SEM1: variants seen among roughly 807,000 people sequenced by gnomAD.
SEM1 encodes the protein 26S proteasome complex subunit SEM1.
A neutral mutation model predicts 12.7 loss-of-function variants in SEM1; 3 were observed. That is an observed-to-expected ratio of 0.24 (90% CI 0.11 to 0.61). The LOEUF (loss-of-function observed/expected upper bound fraction) is 0.61, where lower values mean the gene tolerates loss of function less well. Among genes scored for constraint, SEM1 ranks in the 20% least tolerant of loss-of-function variants. The pLI is 0.88. For missense variants in SEM1, 59 were observed against 81.3 expected (o/e 0.73, Z 1.06); for synonymous variants, 30 against 27.8 (o/e 1.08, Z -0.25).
chr7:96,527,792 G>A (rs1212779929), intron 2 of SEM1, among the ~76,000 whole-genome samples: 1 of 152,040 alleles, frequency 6.6e-6, no homozygotes, highest in Admixed American at 6.6e-5. Flanking sequence ...TTAGCTGTTG[G>A]TTTCTCTCCT....
At chr7:96,669,653 G>T (rs370735478), downstream of SEM1, among the ~76,000 whole-genome samples, 4 of 152,114 alleles carry the variant, frequency 2.6e-5, no homozygotes, top group South Asian at 2.1e-4. Context: ...TTTTATTTAG[G>T]ATACATAAGA....
intron 2 of SEM1, among the ~76,000 whole-genome samples, chr7:96,615,990 A>G (rs189853756): frequency 1.4e-4 from 21 of 152,338 alleles, no homozygotes; most frequent in African/African-American, 5.0e-4. Context: ...TATCGAAAAT[A>G]GTACTGTGAT....
intron 2 of SEM1, among the ~76,000 whole-genome samples, chr7:96,661,719 GC>G (rs1789006893): frequency 3.9e-5 from 6 of 152,288 alleles, no homozygotes; most frequent in Admixed American, 3.3e-4. Flanking sequence ...CGGGCGTGGT[GC>G]CTCATGCCTG....
intron 1 of SEM1, among the ~76,000 whole-genome samples, chr7:96,707,969 G>C (rs1790522467): frequency 6.6e-6 from 1 of 152,192 alleles, no homozygotes; most frequent in Admixed American, 6.5e-5. Flanking sequence ...ATCCTGGCTT[G>C]GACATAATGG....
chr7:96,673,676 T>A, exon 3 of SEM1: 5 of 731,120 alleles, frequency 6.8e-6, no homozygotes, highest in Non-Finnish European at 7.5e-6. Flanking sequence ...ACATGACTAG[T>A]GCTCAATAAT....
At chr7:96,606,584 A>G (rs1807386142) in intron 2 of SEM1, among the ~76,000 whole-genome samples, 1 of 152,248 alleles carries the variant, frequency 6.6e-6, no homozygotes, top group African/African-American at 2.4e-5. Flanking sequence ...CACAACTATT[A>G]GAAAAAAAAG....
At chr7:96,541,198 T>C (rs907232130) in intron 2 of SEM1, among the ~76,000 whole-genome samples, 3 of 151,876 alleles carry the variant, frequency 2.0e-5, no homozygotes, top group African/African-American at 7.2e-5. Flanking sequence ...CTAATTTATA[T>C]TTCCACCAAT....
chr7:96,573,056 T>A (rs1028894803), intron 2 of SEM1, among the ~76,000 whole-genome samples: 5 of 152,166 alleles, frequency 3.3e-5, no homozygotes, highest in African/African-American at 1.2e-4. Flanking sequence ...TTGTCTTTTT[T>A]GATCTTTGTT....
chr7:96,510,669 C>T (rs1188627352), intron 2 of SEM1, among the ~76,000 whole-genome samples: 1 of 152,032 alleles, frequency 6.6e-6, no homozygotes, highest in African/African-American at 2.4e-5. Context: ...ATCTGGATTA[C>T]CACATAGCAT....
At chr7:96,634,628 A>G (rs1808373574) in intron 2 of SEM1, among the ~76,000 whole-genome samples, 1 of 149,258 alleles carries the variant, frequency 6.7e-6, no homozygotes, top group South Asian at 2.1e-4. Context: ...AAGAAAAATA[A>G]AGATAATTCA....
intron 3 of SEM1, among the ~76,000 whole-genome samples, chr7:96,503,323 T>G (rs1437296877): frequency 6.6e-6 from 1 of 152,182 alleles, no homozygotes; most frequent in Non-Finnish European, 1.5e-5. Flanking sequence ...CTCTGTCTTT[T>G]TGAATATAAT....
intron 2 of SEM1, among the ~76,000 whole-genome samples, chr7:96,674,313 A>T (rs1273878050): frequency 1.3e-5 from 2 of 152,068 alleles, no homozygotes; most frequent in African/African-American, 4.8e-5. Flanking sequence ...GGGCTTATAG[A>T]GCAGTGTTTA....
At chr7:96,626,797 C>T (rs1325719178) in intron 2 of SEM1, among the ~76,000 whole-genome samples, 1 of 151,944 alleles carries the variant, frequency 6.6e-6, no homozygotes, top group Non-Finnish European at 1.5e-5. Context: ...TAATACTGAC[C>T]TCAGAATGAG....
At position 96,643,560 on chromosome 7, in the gene SEM1, G is replaced by A. The variant is rs1279804660; in HGVS notation, c.171-20917C>T. 2.0e-5 allele frequency among the ~76,000 whole-genome samples: 3 copies of A among 151,946 alleles called. No individual in the cohort carries two copies. In the East Asian group the frequency reaches 5.8e-4, roughly 29 times the overall value. On this transcript the variant is annotated intron_variant, in intron 2 of 2. Coordinates refer to the SEM1 transcript ENST00000417009. ...GAAAAGACTTGGAACCAACCCAAATGTCCATTAATGATAGACTGGCTAAAG... is the reference window on the plus strand; with the variant it reads ...GAAAAGACTTGGAACCAACCCAAATATCCATTAATGATAGACTGGCTAAAG...
exon 2 of SEM1, chr7:96,486,250 C>T: frequency 6.5e-7 from 1 of 1,536,922 alleles, no homozygotes; most frequent in South Asian, 1.2e-5. Context: ...TGGGCATCTC[C>T]AAGTTTATCT....
intron 2 of SEM1, among the ~76,000 whole-genome samples, chr7:96,546,220 G>A (rs1397314459): frequency 6.6e-6 from 1 of 152,064 alleles, no homozygotes; most frequent in Non-Finnish European, 1.5e-5. Context: ...AAATGTTGGA[G>A]ATTCAAAGAT....
rs193070103 is a variant in SEM1, at chr7:96,705,677, G to A, written c.76+4011C>T. Among the ~76,000 whole-genome samples the A allele has an allele frequency of 5.4e-4, 82 of 151,974 alleles. No homozygotes were observed. In the East Asian group the frequency reaches 0.01, roughly 19 times the overall value. ...CCCATCTCTACAAAAAAAATTAGCCGGGCGTGGTGACGGGCACCTGTAATC... is the reference window on the plus strand; with the variant it reads ...CCCATCTCTACAAAAAAAATTAGCCAGGCGTGGTGACGGGCACCTGTAATC... On this transcript the variant is annotated intron_variant, in intron 1 of 2. Transcript: ENST00000248566.
chr7:96,560,005 T>C lies in SEM1; in HGVS notation c.171-53307A>G, dbSNP rs73708349. Among the ~76,000 whole-genome samples the C allele has an allele frequency of 9.2e-3, 1,394 of 152,294 alleles. 26 individuals carry two copies. The highest frequency in any genetic ancestry group is 0.032 in the African/African-American group (1,325 of 41,552). ...GAAAAACCCAAAAAACTTTTAGATG[T>C]AAAACCTCCATGACTTCAGAATTTG... On this transcript the variant is annotated intron_variant and NMD_transcript_variant, in intron 2 of 3. Transcript: ENST00000466986.
At chr7:96,578,960 A>T (rs539235055) in intron 2 of SEM1, among the ~76,000 whole-genome samples, 1 of 152,278 alleles carries the variant, frequency 6.6e-6, no homozygotes, top group East Asian at 1.9e-4. Flanking sequence ...GAAGTTCAAC[A>T]TTTTGTTGAA....
Sources: allele counts gnomAD v4.1 joint callset (sites outside exome capture counted in the v4.1 genomes callset), GRCh38; gene constraint gnomAD v4.1.1; transcripts MANE v1.5; gene names NCBI Gene and HGNC (gene_info 2026-07-23, HGNC 2026-07-21).